RIMBP2: variants seen among roughly 807,000 people sequenced by gnomAD.
RIMBP2 encodes the protein RIMS binding protein 2.
RIMBP2 carries 48 observed loss-of-function variants against 118.6 expected under a neutral mutation model. The ratio of observed to expected loss-of-function variants is 0.40; its 90% CI spans 0.32 to 0.51. The LOEUF (loss-of-function observed/expected upper bound fraction) is 0.51. Among genes scored for constraint, RIMBP2 ranks in the 20% least tolerant of loss-of-function variants. RIMBP2 has a pLI of 0.41. For missense variants in RIMBP2, 1,551 were observed against 1,768.3 expected (o/e 0.88, Z 2.20); for synonymous variants, 762 against 742.9 (o/e 1.03, Z -0.42).
At chr12:130,449,611 C>T (rs1673344051) in intron 9 of RIMBP2, among the ~76,000 whole-genome samples, 1 of 149,314 alleles carries the variant, frequency 6.7e-6, no homozygotes, top group Admixed American at 6.6e-5. Flanking sequence ...CGGGATGTCC[C>T]CTGGAAAGAC....
chr12:130,431,840 T>A lies in RIMBP2; in HGVS notation c.2253+2894A>T, dbSNP rs1447458762. On this transcript the variant is annotated intron_variant, in intron 14 of 22. Coordinates refer to ENST00000690449, the MANE Select transcript of RIMBP2 (RefSeq NM_001393629.1). This position sits in a 1 kb window ranked among gnomAD's most constrained non-coding sequence, Gnocchi z 4.0. ...TTTCTACTCTTCTCTAGAAAAGTCATCTCTTGTAGCAGGTGTGGTCATCCA... is the reference window on the plus strand; with the variant it reads ...TTTCTACTCTTCTCTAGAAAAGTCAACTCTTGTAGCAGGTGTGGTCATCCA... The A allele has an allele frequency of 1.3e-5, 2 of 154,226 alleles. No individual in the cohort carries two copies. Among genetic ancestry groups the A allele is most frequent in the African/African-American group, 4.8e-5 (2 of 41,460 alleles). The allele number at this position is 154,226 out of a possible 1,614,324, so 9.6% of individuals were successfully genotyped here.
rs1287464169 is a variant in RIMBP2, at chr12:130,523,711, T to A, written c.-216-5794A>T. 6.6e-6 allele frequency among the ~76,000 whole-genome samples: 1 copy of A among 152,232 alleles called. No homozygotes were observed. ...CCACCACTGAGTGTGTATGTGTCAG[T>A]ACCGGGCTCAGCAGGGGGCCCTGAG... On this transcript the variant is annotated intron_variant, in intron 2 of 22. Coordinates refer to ENST00000690449, the MANE Select transcript of RIMBP2 (RefSeq NM_001393629.1). The surrounding 1 kb of genome is among the most constrained non-coding windows in gnomAD (Gnocchi z 4.4).
chr12:130,704,233 G>A (rs1322850951), intron 1 of RIMBP2, among the ~76,000 whole-genome samples: 4 of 151,964 alleles, frequency 2.6e-5, no homozygotes, highest in East Asian at 3.9e-4. Flanking sequence ...CTCAACCCGC[G>A]TCCCAAAGCA....
At chr12:130,412,561 G>T in intron 19 of RIMBP2, 58 bp downstream of exon 19, 2 of 1,500,136 alleles carry the variant, frequency 1.3e-6, no homozygotes, top group South Asian at 1.2e-5. Flanking sequence ...CTCTCTGAGC[G>T]GCAGGTGTTT....
At chr12:130,566,568 C>T (rs1444017625) in intron 2 of RIMBP2, among the ~76,000 whole-genome samples, 1 of 152,156 alleles carries the variant, frequency 6.6e-6, no homozygotes, top group Admixed American at 6.5e-5. Context: ...TCAAAGCCTC[C>T]AGCCAATGAC....
At chr12:130,662,947 C>A (rs538194785) in intron 1 of RIMBP2, among the ~76,000 whole-genome samples, 1 of 152,166 alleles carries the variant, frequency 6.6e-6, no homozygotes, top group South Asian at 2.1e-4. Context: ...CAGAGTAAGA[C>A]CCTGTCTAAA....
intron 1 of RIMBP2, among the ~76,000 whole-genome samples, chr12:130,632,704 C>T (rs1161804108): frequency 2.0e-5 from 3 of 152,154 alleles, no homozygotes; most frequent in Non-Finnish European, 2.9e-5. Context: ...TGTATGGTTA[C>T]ATGTGAAGTA....
At chr12:130,549,879 T>C (rs183502041) in intron 2 of RIMBP2, among the ~76,000 whole-genome samples, 4 of 152,284 alleles carry the variant, frequency 2.6e-5, no homozygotes, top group Admixed American at 1.3e-4. Context: ...TATCCAGTAA[T>C]GGGATTGCTG....
intron 2 of RIMBP2, among the ~76,000 whole-genome samples, chr12:130,626,097 C>T (rs2061603377): frequency 6.6e-6 from 1 of 152,184 alleles, no homozygotes; most frequent in Non-Finnish European, 1.5e-5. Context: ...TCCAAGGATG[C>T]TGCCTTTACT....
In RIMBP2 at chr12:130,540,819, G is replaced by A. The variant is rs74995814; in HGVS notation, c.-216-22902C>T. Among the ~76,000 whole-genome samples the A allele has an allele frequency of 8.7e-3, 1,326 of 152,270 alleles. 22 individuals carry two copies. Among genetic ancestry groups the A allele is most frequent in the African/African-American group, 0.03 (1,253 of 41,560 alleles). On this transcript the variant is annotated intron_variant, in intron 2 of 22. Coordinates refer to ENST00000690449, the MANE Select transcript of RIMBP2 (RefSeq NM_001393629.1). Reference sequence around the variant, plus strand: ...ACGGTCTCAGTGAGTGGCTTTCTGCGTGGTGAGCAGTAGGACCTAGACCAA... The same window carrying A: ...ACGGTCTCAGTGAGTGGCTTTCTGCATGGTGAGCAGTAGGACCTAGACCAA...
At chr12:130,607,010 T>C (rs1212181066) in intron 2 of RIMBP2, among the ~76,000 whole-genome samples, 6 of 152,028 alleles carry the variant, frequency 3.9e-5, no homozygotes, top group Admixed American at 3.9e-4. Flanking sequence ...TTTTGTATTT[T>C]TAGTAGAGAT....
intron 4 of RIMBP2, among the ~76,000 whole-genome samples, chr12:130,483,668 C>T (rs973452481): frequency 6.9e-6 from 1 of 145,216 alleles, no homozygotes; most frequent in South Asian, 2.2e-4. Context: ...CCAGAGCCCC[C>T]GTCCCCACCT....
intron 1 of RIMBP2, among the ~76,000 whole-genome samples, chr12:130,664,727 A>G (rs1056039882): frequency 6.6e-6 from 1 of 151,884 alleles, no homozygotes; most frequent in Non-Finnish European, 1.5e-5. Flanking sequence ...CACGTGTCCA[A>G]AAGACATGGG....
chr12:130,641,842 G>A (rs954098245), intron 1 of RIMBP2, among the ~76,000 whole-genome samples: 6 of 152,006 alleles, frequency 3.9e-5, no homozygotes, highest in African/African-American at 1.2e-4. Context: ...CACCGGGCTG[G>A]GCCCCTCAAA....
intron 22 of RIMBP2, chr12:130,397,864 ATTAGG>A: frequency 5.0e-6 from 1 of 199,702 alleles, no homozygotes; most frequent in East Asian, 1.1e-4. Context: ...ATGATCTGAA[ATTAGG>A]TTGATAGTAA....
intron 2 of RIMBP2, among the ~76,000 whole-genome samples, chr12:130,591,119 TG>T (rs1045482976): frequency 6.6e-5 from 10 of 152,340 alleles, no homozygotes; most frequent in Middle Eastern, 3.4e-3. Context: ...TCCTAGGTCC[TG>T]GGTATGGAAC....
chr12:130,573,885 T>A (rs570885143), intron 2 of RIMBP2, among the ~76,000 whole-genome samples: 1 of 152,118 alleles, frequency 6.6e-6, no homozygotes, highest in East Asian at 1.9e-4. Context: ...CATGCTCCCC[T>A]CCAGCTCACT....
intron 22 of RIMBP2, chr12:130,399,005 G>GTATC (rs2074271246): frequency 4.3e-6 from 2 of 465,434 alleles, no homozygotes; most frequent in African/African-American, 4.1e-5. Context: ...ATATTTCTTT[G>GTATC]TATCTTTTTT....
At position 130,622,764 on chromosome 12, in the gene RIMBP2, T is replaced by G. The variant is rs1281346560; in HGVS notation, c.-217+5558A>C. Reference sequence around the variant, plus strand: ...GGAAATATTGGGCTAGTTGGCAGATTTAGGCAATGCCTCCACTAGGCTGAT... The same window carrying G: ...GGAAATATTGGGCTAGTTGGCAGATGTAGGCAATGCCTCCACTAGGCTGAT... On this transcript the variant is annotated intron_variant, in intron 2 of 22. Coordinates refer to ENST00000690449, the MANE Select transcript of RIMBP2 (RefSeq NM_001393629.1). The surrounding 1 kb of genome is among the most constrained non-coding windows in gnomAD (Gnocchi z 8.5). 1.3e-5 allele frequency among the ~76,000 whole-genome samples: 2 copies of G among 152,242 alleles called. No homozygotes were observed. The highest frequency in any genetic ancestry group is 2.9e-5 in the Non-Finnish European group (2 of 68,044).
Sources: gnomAD v4.1 joint callset for allele counts (sites outside exome capture counted in the v4.1 genomes callset) on GRCh38, gnomAD v4.1.1 for gene constraint, Gnocchi (gnomAD v3.1) non-coding constraint, MANE v1.5 for transcripts, NCBI Gene and HGNC (gene_info 2026-07-23, HGNC 2026-07-21) for gene names.